The following USP33 variants were observed in gnomAD, a reference collection of about 807,000 sequenced individuals.
The protein encoded by USP33 is ubiquitin carboxyl-terminal hydrolase 33.
Under a neutral mutation model 124.2 loss-of-function variants are expected in USP33, and 46 were observed. The ratio of observed to expected loss-of-function variants is 0.37; its 90% confidence interval spans 0.29 to 0.47. USP33 has a LOEUF of 0.47. Ranked by LOEUF, USP33 falls within the 20% of genes least tolerant of loss-of-function variation. The pLI, the probability that USP33 is intolerant of heterozygous loss-of-function variation, is 0.99. For synonymous variants in USP33, 350 were observed against 352.3 expected, an observed-to-expected ratio of 0.99 and a Z score of 0.07; for missense variants, 851 against 1,070.6, an observed-to-expected ratio of 0.79 and a Z score of 2.86.
At chr1:77,732,109 T>C (rs1231266532) in intron 7 of USP33, among the ~76,000 whole-genome samples, 1 of 129,000 alleles carries the variant, frequency 7.8e-6, no homozygotes, top group Non-Finnish European at 1.7e-5. Context: ...GTCTCTAACT[T>C]AAAAAAAAAA....
intron 21 of USP33, among the ~76,000 whole-genome samples, chr1:77,706,659 C>T (rs1268312793): frequency 6.6e-6 from 1 of 152,200 alleles, no homozygotes; most frequent in Non-Finnish European, 1.5e-5. Flanking sequence ...TTACCATGCG[C>T]TATCATGCAA....
chr1:77,741,361 A>G lies in USP33; in HGVS notation c.135+15T>C, dbSNP rs772889723. On this transcript the variant is annotated intron_variant, in intron 3 of 23. Coordinates refer to ENST00000370794, the MANE Select transcript of USP33 (RefSeq NM_201624.3). ...ATTATTATAGCAATCTTTTCAGGAA[A>G]AAACATATACACACCTCCAGACATG... 4 of 1,583,210 alleles carry G rather than the reference A, an allele frequency of 2.5e-6. No individual in the cohort carries two copies. Among genetic ancestry groups the G allele is most frequent in the Admixed American group, 2.0e-5 (1 of 51,136 alleles).
chr1:77,702,035 G>A (rs1375354936), intron 21 of USP33, among the ~76,000 whole-genome samples: 2 of 150,718 alleles, frequency 1.3e-5, no homozygotes, highest in African/African-American at 2.4e-5. Flanking sequence ...CAGCTATTCG[G>A]GGAAGCTGAG....
At chr1:77,730,925 A>G (rs1269773984) in intron 7 of USP33, among the ~76,000 whole-genome samples, 194 bp from the exon 8 acceptor site, 2 of 152,208 alleles carry the variant, frequency 1.3e-5, no homozygotes, top group African/African-American at 2.4e-5. Flanking sequence ...GCATATCAAG[A>G]GTCCTCCATG....
chr1:77,732,703 A>ATTGT (rs1449497324), intron 7 of USP33, among the ~76,000 whole-genome samples: 1 of 152,060 alleles, frequency 6.6e-6, no homozygotes, highest in Non-Finnish European at 1.5e-5. Context: ...GCTGCTTACA[A>ATTGT]GGAGCATTCT....
intron 19 of USP33, chr1:77,713,547 G>T: frequency 1.8e-5 from 4 of 226,204 alleles, no homozygotes; most frequent in South Asian, 1.1e-4. Flanking sequence ...AACACACCCA[G>T]CTAACTTTTC....
intron 17 of USP33, among the ~76,000 whole-genome samples, chr1:77,716,761 A>G (rs1456824241): frequency 6.6e-6 from 1 of 152,170 alleles, no homozygotes; most frequent in African/African-American, 2.4e-5. Context: ...AAAAACTCCC[A>G]GCCCTCCAGA....
At chr1:77,754,005 AG>A (rs1447995720) in intron 1 of USP33, among the ~76,000 whole-genome samples, 3 of 152,152 alleles carry the variant, frequency 2.0e-5, no homozygotes, top group Non-Finnish European at 4.4e-5. Flanking sequence ...TGATGACCAA[AG>A]GGATCCTTTC....
At chr1:77,711,194 A>T (rs2101257436) in intron 21 of USP33, among the ~76,000 whole-genome samples, 1 of 151,944 alleles carries the variant, frequency 6.6e-6, no homozygotes, top group South Asian at 2.1e-4. Context: ...GTGCCAATAC[A>T]TTAAAAAAAA....
chr1:77,701,451 T>C lies in USP33; in HGVS notation c.2427A>G (p.Lys809=). 1.2e-6 allele frequency: 2 copies of C among 1,612,464 alleles called. No homozygotes were observed. The highest frequency in any genetic ancestry group is 1.7e-6 in the Non-Finnish European group (2 of 1,179,516). ...IFIRLNRAFQ[K]EDSPATFYCI... ...AATAAAAAGTAGCTGGAGAGTCCTC[T>C]TTTTGGAACGCTCTGTTAAGCTACA... The change falls in exon 22 of 24, where the codon AAA becomes AAG. Residue 809 remains lysine (K), a synonymous_variant. Coordinates refer to ENST00000370794, the MANE Select transcript of USP33 (RefSeq NM_201624.3).
intron 5 of USP33, among the ~76,000 whole-genome samples, chr1:77,737,210 G>A (rs1206903628): frequency 1.3e-5 from 2 of 152,174 alleles, no homozygotes; most frequent in Non-Finnish European, 2.9e-5. Context: ...AAAGAATTTA[G>A]CATGTACTCT....
At chr1:77,735,236 T>C (rs529532079) in intron 6 of USP33, among the ~76,000 whole-genome samples, 70 of 152,334 alleles carry the variant, frequency 4.6e-4, no homozygotes, top group African/African-American at 1.7e-3. Context: ...AAACGAGCCA[T>C]TGAATGACTG....
chr1:77,701,133 T>C (rs547624063), intron 22 of USP33, among the ~76,000 whole-genome samples: 1 of 152,334 alleles, frequency 6.6e-6, no homozygotes, highest in East Asian at 1.9e-4. Flanking sequence ...TTTTCAACAT[T>C]AAGATCACAG....
At chr1:77,712,867 GA>G (rs985524854) in intron 20 of USP33, among the ~76,000 whole-genome samples, 97 of 151,008 alleles carry the variant, frequency 6.4e-4, no homozygotes, top group Admixed American at 5.6e-3. Context: ...CAAAAAAAAA[GA>G]AAAAAAAATT....
At chr1:77,747,723 G>C (rs1452368630) in intron 1 of USP33, among the ~76,000 whole-genome samples, 1 of 152,026 alleles carries the variant, frequency 6.6e-6, no homozygotes, top group Non-Finnish European at 1.5e-5. Context: ...CTTTACCCTA[G>C]CTTGTATAAC....
chr1:77,750,186 T>G (rs999684867), intron 1 of USP33, among the ~76,000 whole-genome samples: 2 of 151,892 alleles, frequency 1.3e-5, no homozygotes, highest in Non-Finnish European at 1.5e-5. Context: ...TGCATAGTGG[T>G]GGGTGCCTGT....
intron 17 of USP33, among the ~76,000 whole-genome samples, chr1:77,716,107 G>T (rs1320378683): frequency 2.0e-5 from 3 of 151,998 alleles, no homozygotes; most frequent in Non-Finnish European, 4.4e-5. Context: ...TGCCCAAGCT[G>T]GCGTTCAGTG....
chr1:77,720,008 A>C (rs138674279), intron 15 of USP33, among the ~76,000 whole-genome samples: 370 of 151,962 alleles, frequency 2.4e-3, no homozygotes, highest in South Asian at 0.013. Flanking sequence ...CAAAAAATAC[A>C]AATTAGCCAG....
intron 4 of USP33, among the ~76,000 whole-genome samples, chr1:77,740,270 A>G (rs1678969031): frequency 6.6e-6 from 1 of 152,156 alleles, no homozygotes; most frequent in Non-Finnish European, 1.5e-5. Context: ...TAGCCAGGCC[A>G]TGTCATAAAC....
Sources: allele counts gnomAD v4.1 joint callset (sites outside exome capture counted in the v4.1 genomes callset), GRCh38; gene constraint gnomAD v4.1.1; transcripts MANE v1.5; gene names NCBI Gene and HGNC (gene_info 2026-07-23, HGNC 2026-07-21).